PDE3B: variants seen among roughly 807,000 people sequenced by gnomAD.
The protein encoded by PDE3B is cGMP-inhibited 3',5'-cyclic phosphodiesterase 3B.
A neutral mutation model predicts 116.8 loss-of-function variants in PDE3B; 66 were observed. That is an observed-to-expected ratio of 0.56 (90% CI 0.46 to 0.69). The LOEUF is 0.69. PDE3B is among the 30% of genes least tolerant of loss of function. PDE3B has a pLI of 0.00. For synonymous variants in PDE3B, 595 were observed against 533.6 expected (o/e 1.12, Z -1.59); for missense variants, 1,384 against 1,368.1 (o/e 1.01, Z -0.18).
chr11:14,832,656 CATT>C (rs1262105182), intron 9 of PDE3B, 63 bp from the exon 10 acceptor site: 4 of 621,876 alleles, frequency 6.4e-6, no homozygotes, highest in Non-Finnish European at 8.4e-6. Context: ...ATCACAAAAA[CATT>C]ATACTCAGCT....
intron 14 of PDE3B, among the ~76,000 whole-genome samples, chr11:14,864,623 T>C (rs1555007784): frequency 6.6e-6 from 1 of 152,108 alleles, no homozygotes; most frequent in Non-Finnish European, 1.5e-5. Flanking sequence ...TGCAATCAAA[T>C]TAGAACTCAG....
At chr11:14,738,951 A>G (rs1856679227) in intron 1 of PDE3B, among the ~76,000 whole-genome samples, 4 of 152,046 alleles carry the variant, frequency 2.6e-5, no homozygotes, top group Admixed American at 2.6e-4. Context: ...GCTCTGTTCC[A>G]TTGGTCGATA....
intron 1 of PDE3B, among the ~76,000 whole-genome samples, chr11:14,758,631 T>C (rs1248401737): frequency 6.8e-6 from 1 of 146,152 alleles, no homozygotes; most frequent in African/African-American, 2.6e-5. Flanking sequence ...ATAAGAATGC[T>C]TGTGATTTTT....
chr11:14,892,242 T>G, the PDE3B span: 1 of 1,585,282 alleles, frequency 6.3e-7, no homozygotes, highest in Non-Finnish European at 8.6e-7. Context: ...ACAGCAGCCC[T>G]GAGACCCAGG....
intron 4 of PDE3B, among the ~76,000 whole-genome samples, chr11:14,801,669 G>C (rs185139671): frequency 4.6e-5 from 7 of 152,322 alleles, no homozygotes; most frequent in Admixed American, 2.6e-4. Flanking sequence ...ACTGTGCTGG[G>C]AGGTCTGCTA....
At chr11:14,797,554 A>C (rs1424191535) in intron 4 of PDE3B, among the ~76,000 whole-genome samples, 1 of 152,130 alleles carries the variant, frequency 6.6e-6, no homozygotes, top group East Asian at 1.9e-4. Flanking sequence ...GATTCTTCCT[A>C]TCCATTAGCA....
intron 1 of PDE3B, among the ~76,000 whole-genome samples, chr11:14,709,609 T>C (rs1437630659): frequency 2.0e-5 from 3 of 152,150 alleles, no homozygotes; most frequent in African/African-American, 7.2e-5. Flanking sequence ...GATTACAGAT[T>C]TGTGTGTGTT....
Position 14,694,992 on chromosome 11 carries a change from A to G in PDE3B, c.978+49939A>G, listed in dbSNP as rs572462756. Among the ~76,000 whole-genome samples the G allele has an allele frequency of 7.6e-4, 116 of 152,232 alleles. 1 individual carries two copies. Among genetic ancestry groups the G allele is most frequent in the Non-Finnish European group, 1.4e-3 (92 of 68,006 alleles). On this transcript the variant is annotated intron_variant, in intron 1 of 15. Coordinates refer to ENST00000282096, the MANE Select transcript of PDE3B (RefSeq NM_000922.4). ...AGATACATACCTATATAGTCGCCAC[A>G]CAGATCCAAGTATGCCGTATTCCCA... is the stretch of plus-strand genomic sequence containing the variant.
At chr11:14,728,349 T>G (rs1049196995) in intron 1 of PDE3B, among the ~76,000 whole-genome samples, 1 of 152,094 alleles carries the variant, frequency 6.6e-6, no homozygotes, top group African/African-American at 2.4e-5. Context: ...GCTACAATTG[T>G]GGAGAAATTT....
intron 1 of PDE3B, among the ~76,000 whole-genome samples, chr11:14,712,149 G>A (rs933039015): frequency 1.3e-5 from 2 of 152,098 alleles, no homozygotes; most frequent in South Asian, 4.1e-4. Flanking sequence ...GCGGTAATGC[G>A]ATCATAGCTC....
chr11:14,732,529 T>C (rs992365977), intron 1 of PDE3B, among the ~76,000 whole-genome samples: 3 of 152,182 alleles, frequency 2.0e-5, no homozygotes, highest in Non-Finnish European at 2.9e-5. Context: ...ATTTTTTTCA[T>C]GGTTAAACAA....
the PDE3B span, among the ~76,000 whole-genome samples, chr11:14,881,307 G>A: frequency 6.6e-6 from 1 of 152,022 alleles, no homozygotes; most frequent in Non-Finnish European, 1.5e-5. Context: ...TCGAAATGCT[G>A]AAGTCAAAAA....
At chr11:14,742,303 CTCTAA>C (rs1856796954) in intron 1 of PDE3B, among the ~76,000 whole-genome samples, 1 of 152,064 alleles carries the variant, frequency 6.6e-6, no homozygotes, top group African/African-American at 2.4e-5. Context: ...ATTCTGTTTT[CTCTAA>C]TCTTCTTGCT....
chr11:14,881,460 A>ACGGG, the PDE3B span, among the ~76,000 whole-genome samples: 1 of 152,064 alleles, frequency 6.6e-6, no homozygotes, highest in Non-Finnish European at 1.5e-5. Flanking sequence ...TTCAGTGCAC[A>ACGGG]TATTTATGTA....
chr11:14,797,119 G>C (rs1286502392), intron 4 of PDE3B, among the ~76,000 whole-genome samples: 1 of 152,188 alleles, frequency 6.6e-6, no homozygotes. Context: ...ATTAAATAGG[G>C]AATCCTTTCC....
At chr11:14,888,890 T>C in the PDE3B span, among the ~76,000 whole-genome samples, 1 of 152,238 alleles carries the variant, frequency 6.6e-6, no homozygotes, top group African/African-American at 2.4e-5. Context: ...ATAAAGCCAC[T>C]TGTATTGGCT....
chr11:14,644,905 G>T lies in PDE3B; in HGVS notation c.830G>T (p.Arg277Leu), dbSNP rs762967876. The T allele has an allele frequency of 3.1e-6, 5 of 1,614,104 alleles. No homozygotes were observed. Among genetic ancestry groups the T allele is most frequent in the Non-Finnish European group, 4.2e-6 (5 of 1,180,022 alleles). ...FQIREAPLHP[R>L]LSSAAEEKVP... ...ATCAGGGAAGCGCCTCTTCATCCTCGACTGTCCAGTGCCGCCGAAGAAAAA... is the reference window on the plus strand; with the variant it reads ...ATCAGGGAAGCGCCTCTTCATCCTCTACTGTCCAGTGCCGCCGAAGAAAAA... The change falls in exon 1 of 16, where the codon CGA (arginine) becomes CTA (leucine). Residue 277 changes from arginine to leucine, a missense_variant. By Grantham distance (102) the Arg-to-Leu change is moderately radical. Coordinates refer to ENST00000282096, the MANE Select transcript of PDE3B (RefSeq NM_000922.4).
chr11:14,890,796 C>T, the PDE3B span: 11 of 879,860 alleles, frequency 1.3e-5, no homozygotes, highest in Non-Finnish European at 1.5e-5. Flanking sequence ...GATCCGCCCG[C>T]CTCGGCCTCC....
chr11:14,850,172 G>C (rs1390205572), intron 12 of PDE3B, among the ~76,000 whole-genome samples: 1 of 151,954 alleles, frequency 6.6e-6, no homozygotes, highest in Non-Finnish European at 1.5e-5. Flanking sequence ...AAAAGGATGA[G>C]TTCATGTCCT....
Sources: allele counts gnomAD v4.1 joint callset (sites outside exome capture counted in the v4.1 genomes callset), GRCh38; gene constraint gnomAD v4.1.1; transcripts MANE v1.5; gene names NCBI Gene and HGNC (gene_info 2026-07-23, HGNC 2026-07-21).